Variants in INPP4B observed in about 807,000 individuals in gnomAD.
The protein encoded by INPP4B is inositol polyphosphate-4-phosphatase type II B, also known as inositol polyphosphate 4-phosphatase type II.
A neutral mutation model predicts 122.5 loss-of-function variants in INPP4B; 55 were observed. The observed-to-expected ratio is 0.45, with a 90% CI of 0.36 to 0.56. The LOEUF (loss-of-function observed/expected upper bound fraction) is 0.56. INPP4B is among the 20% of genes least tolerant of loss of function. INPP4B has a pLI of 0.00. For synonymous variants in INPP4B, 403 were observed against 388.7 expected (o/e 1.04, Z -0.43); for missense variants, 1,000 against 1,097.7 (o/e 0.91, Z 1.26).
intron 1 of INPP4B, among the ~76,000 whole-genome samples, chr4:142,836,427 T>C (rs1232545540): frequency 6.6e-6 from 1 of 151,970 alleles, no homozygotes; most frequent in East Asian, 1.9e-4. Context: ...AGTGTGTGTG[T>C]GCGCGCGTGT....
intron 2 of INPP4B, among the ~76,000 whole-genome samples, chr4:142,631,061 A>G (rs76721389): frequency 0.014 from 2,056 of 152,232 alleles, 36 homozygotes; most frequent in African/African-American, 0.039. Context: ...CTATTTTACC[A>G]TATAATCCAA....
chr4:142,663,317 G>A (rs1354106904), intron 2 of INPP4B, among the ~76,000 whole-genome samples: 2 of 152,114 alleles, frequency 1.3e-5, no homozygotes, highest in African/African-American at 4.8e-5. Context: ...CAGTATCATT[G>A]TTAATAAATT....
chr4:142,706,688 A>G (rs555281922), intron 2 of INPP4B, among the ~76,000 whole-genome samples: 88 of 152,380 alleles, frequency 5.8e-4, no homozygotes, highest in South Asian at 5.0e-3. Context: ...AGTTTAAAGC[A>G]GGGATCTCAC....
chr4:142,079,269 G>A (rs537236704), intron 25 of INPP4B, among the ~76,000 whole-genome samples: 4 of 152,002 alleles, frequency 2.6e-5, no homozygotes, highest in East Asian at 1.9e-4. Flanking sequence ...ATACCCAACA[G>A]GTAGTTTCTC....
At chr4:142,159,583 A>G (rs1819002467) in intron 17 of INPP4B, among the ~76,000 whole-genome samples, 1 of 151,968 alleles carries the variant, frequency 6.6e-6, no homozygotes, top group Non-Finnish European at 1.5e-5. Context: ...TACAGCTAGC[A>G]CACTATTTTT....
At chr4:142,229,130 A>C (rs1188476407) in intron 12 of INPP4B, among the ~76,000 whole-genome samples, 1 of 151,358 alleles carries the variant, frequency 6.6e-6, no homozygotes, top group Non-Finnish European at 1.5e-5. Flanking sequence ...AAGGTTTTCT[A>C]CATTTAATTT....
chr4:142,218,724 G>A (rs989571177), intron 12 of INPP4B, among the ~76,000 whole-genome samples: 39 of 152,236 alleles, frequency 2.6e-4, no homozygotes, highest in African/African-American at 9.1e-4. Context: ...AACTACACAT[G>A]GTATGCATGG....
At chr4:142,631,306 C>G (rs1747898574) in intron 2 of INPP4B, among the ~76,000 whole-genome samples, 1 of 152,006 alleles carries the variant, frequency 6.6e-6, no homozygotes, top group Non-Finnish European at 1.5e-5. Flanking sequence ...ATTAAACACT[C>G]AATAGATGGG....
At chr4:142,171,631 A>G (rs1173615709) in intron 16 of INPP4B, among the ~76,000 whole-genome samples, 1 of 151,922 alleles carries the variant, frequency 6.6e-6, no homozygotes, top group African/African-American at 2.4e-5. Flanking sequence ...CTGTTAACTT[A>G]GATAATTCTT....
chr4:142,655,826 T>C (rs1288871379), intron 2 of INPP4B, among the ~76,000 whole-genome samples: 7 of 152,226 alleles, frequency 4.6e-5, no homozygotes, highest in Non-Finnish European at 1.0e-4. Flanking sequence ...CTATTTTTAC[T>C]TGCACTCTCA....
chr4:142,671,726 G>A (rs1757030037), intron 2 of INPP4B, among the ~76,000 whole-genome samples: 1 of 151,960 alleles, frequency 6.6e-6, no homozygotes, highest in South Asian at 2.1e-4. Flanking sequence ...TCCACCAGGG[G>A]GCATAATAAA....
chr4:142,329,431 T>C (rs539116223), intron 7 of INPP4B, among the ~76,000 whole-genome samples: 11 of 152,286 alleles, frequency 7.2e-5, no homozygotes, highest in African/African-American at 2.2e-4. Flanking sequence ...TCTGGGAACA[T>C]TGGGTTTATG....
intron 23 of INPP4B, among the ~76,000 whole-genome samples, chr4:142,099,603 CT>C (rs1783591061): frequency 6.6e-6 from 1 of 151,976 alleles, no homozygotes; most frequent in African/African-American, 2.4e-5. Context: ...TCTTTAAACC[CT>C]TATGTCTTCA....
chr4:142,513,459 G>A (rs779441050), intron 2 of INPP4B, among the ~76,000 whole-genome samples: 6 of 151,984 alleles, frequency 3.9e-5, no homozygotes, highest in Admixed American at 6.6e-5. Flanking sequence ...CCAGGCTGGA[G>A]TGTGATGGCA....
At chr4:142,392,736 C>T (rs943358507) in intron 7 of INPP4B, among the ~76,000 whole-genome samples, 1 of 152,198 alleles carries the variant, frequency 6.6e-6, no homozygotes, top group Non-Finnish European at 1.5e-5. Context: ...ATTCTCCTGT[C>T]AAAGTTATGC....
intron 12 of INPP4B, among the ~76,000 whole-genome samples, chr4:142,230,698 G>A (rs1322286113): frequency 6.6e-6 from 1 of 150,478 alleles, no homozygotes; most frequent in Non-Finnish European, 1.5e-5. Context: ...CCTTGGTGTG[G>A]ATTTGAAGTG....
At chr4:142,759,853 A>AAAAAAAAAAG (rs1771059019) in intron 1 of INPP4B, among the ~76,000 whole-genome samples, 1 of 147,178 alleles carries the variant, frequency 6.8e-6, no homozygotes, top group African/African-American at 2.6e-5. Context: ...AAAAAAAAAA[A>AAAAAAAAAAG]TTTAATTGCC....
chr4:142,433,160 A>G (rs569533924), intron 3 of INPP4B, among the ~76,000 whole-genome samples: 7 of 152,318 alleles, frequency 4.6e-5, no homozygotes, highest in African/African-American at 1.7e-4. Flanking sequence ...ATCCAAGTAC[A>G]CACTTCAGAA....
chr4:142,487,312 A>C (rs1030369036), intron 2 of INPP4B, among the ~76,000 whole-genome samples: 1 of 152,186 alleles, frequency 6.6e-6, no homozygotes, highest in Non-Finnish European at 1.5e-5. Flanking sequence ...CAGTGTAAAA[A>C]TGGACTAATA....
Sources: allele counts gnomAD v4.1 joint callset (sites outside exome capture counted in the v4.1 genomes callset), GRCh38; gene constraint gnomAD v4.1.1; transcripts MANE v1.5; gene names NCBI Gene and HGNC (gene_info 2026-07-23, HGNC 2026-07-21).